Variants in ANG observed in about 807,000 individuals in gnomAD.
ANG encodes the protein Homo sapiens epididymis luminal protein 168.
For missense variants in ANG, 178 were observed against 187.4 expected (o/e 0.95, Z 0.29); for synonymous variants, 74 against 73.8 (o/e 1.00, Z -0.02).
chr14:20,690,011 C>G (rs1488021973), intron 1 of ANG, among the ~76,000 whole-genome samples: 1 of 146,472 alleles, frequency 6.8e-6, no homozygotes, highest in East Asian at 2.0e-4. Flanking sequence ...GTCAGGAGAT[C>G]GAGACCATCC....
intron 1 of ANG, among the ~76,000 whole-genome samples, chr14:20,691,597 C>T (rs1594206994): frequency 1.3e-5 from 2 of 152,336 alleles, no homozygotes; most frequent in East Asian, 3.9e-4. Context: ...CCCAAGAACA[C>T]ACTTTCAGCA....
intron 1 of ANG, among the ~76,000 whole-genome samples, chr14:20,692,928 A>G (rs775834313): frequency 3.3e-5 from 5 of 152,040 alleles, no homozygotes; most frequent in African/African-American, 1.2e-4. Context: ...GCTCACTGCA[A>G]GCTCCGCCTC....
At chr14:20,686,238 G>A (rs1186962397), upstream of ANG, among the ~76,000 whole-genome samples, 2 of 152,158 alleles carry the variant, frequency 1.3e-5, no homozygotes, top group East Asian at 3.8e-4. Context: ...TTAGTAACAG[G>A]ACATGAGGCA....
chr14:20,686,376 G>A (rs993559870), upstream of ANG, among the ~76,000 whole-genome samples: 1 of 152,232 alleles, frequency 6.6e-6, no homozygotes, highest in Admixed American at 6.5e-5. Flanking sequence ...AGAGTAAGAG[G>A]TTTGTCAAGT....
At chr14:20,691,447 G>A (rs11156631) in intron 1 of ANG, among the ~76,000 whole-genome samples, 4,264 of 152,312 alleles carry the variant, frequency 0.028, 200 homozygotes, top group African/African-American at 0.098. Context: ...TGAAAAGCAT[G>A]ATGTAAATGT....
intron 1 of ANG, among the ~76,000 whole-genome samples, chr14:20,691,185 T>A (rs923432760): frequency 6.6e-6 from 1 of 152,182 alleles, no homozygotes; most frequent in Non-Finnish European, 1.5e-5. Context: ...AGAGAAGACA[T>A]TAGTAACATT....
rs1220977971 is a variant in ANG, at chr14:20,693,855, GTCT to G, written c.296_298del (p.Ser99del). 6.2e-6 allele frequency: 10 copies of G among 1,614,220 alleles called. No homozygotes were observed. Among genetic ancestry groups the G allele is most frequent in the Non-Finnish European group, 7.6e-6 (9 of 1,180,036 alleles). ...ACAGAGAAAACCTAAGAATAAGCAA[GTCT>G]TCTTTCCAGGTCACCACTTGCAAGC... is the stretch of plus-strand genomic sequence containing the variant. On this transcript the variant is annotated inframe_deletion, in exon 2 of 2. Coordinates refer to ENST00000397990, the MANE Select transcript of ANG (RefSeq NM_001097577.3).
upstream of ANG, chr14:20,688,715 T>A: frequency 1.0e-6 from 1 of 985,242 alleles, no homozygotes; most frequent in Non-Finnish European, 1.2e-6. Flanking sequence ...TTCATGTCCC[T>A]GCCAGGACTG....
At chr14:20,688,604 C>G, upstream of ANG, 2 of 823,542 alleles carry the variant, frequency 2.4e-6, no homozygotes, top group African/African-American at 3.7e-5. Flanking sequence ...TCTTCCAGAA[C>G]AAATCTCTAA....
At chr14:20,690,411 C>T (rs1045340445) in intron 1 of ANG, among the ~76,000 whole-genome samples, 5 of 152,140 alleles carry the variant, frequency 3.3e-5, no homozygotes, top group East Asian at 1.9e-4. Context: ...ACTTTTACAC[C>T]ACAAACGATC....
chr14:20,688,932 G>A, intron 1 of ANG, 58 bp downstream of exon 1: 1 of 919,778 alleles, frequency 1.1e-6, no homozygotes, highest in African/African-American at 1.8e-5. Flanking sequence ...CCATTTTAAT[G>A]AAACCATTTT....
upstream of ANG, chr14:20,688,677 C>A: frequency 1.0e-6 from 1 of 984,980 alleles, no homozygotes; most frequent in Non-Finnish European, 1.2e-6. Flanking sequence ...TGACCCTCCT[C>A]GTTTGTTCAA....
chr14:20,694,079 T>A lies in ANG; in HGVS notation c.*71T>A, dbSNP rs1886980220. Reference sequence around the variant, plus strand: ...CATTTCCCCTCTGCACCCAGAACAGTGGTGGCAACATTCATTGCCAAGGGC... The same window carrying A: ...CATTTCCCCTCTGCACCCAGAACAGAGGTGGCAACATTCATTGCCAAGGGC... On this transcript the variant is annotated 3_prime_UTR_variant, in exon 2 of 2. Coordinates refer to ENST00000397990, the MANE Select transcript of ANG (RefSeq NM_001097577.3). 2 of 1,564,912 alleles carry A rather than the reference T, an allele frequency of 1.3e-6. No homozygotes were observed. The highest frequency in any genetic ancestry group is 1.8e-6 in the Non-Finnish European group (2 of 1,135,716).
In ANG at chr14:20,693,788, G is replaced by C. The variant is rs146485834; in HGVS notation, c.224G>C (p.Arg75Pro). Reference sequence around the variant, plus strand: ...AACACATTTATTCATGGCAACAAGCGCAGCATCAAGGCCATCTGTGAAAAC... The same window carrying C: ...AACACATTTATTCATGGCAACAAGCCCAGCATCAAGGCCATCTGTGAAAAC... ...DINTFIHGNK[R>P]SIKAICENKN... Residue 75 changes from arginine (R) to proline (P), a missense_variant, in exon 2 of 2, where the codon CGC (arginine) becomes CCC (proline). Arg to Pro is a moderately radical substitution (Grantham distance 103). Transcript: ENST00000397990. 3.1e-6 allele frequency: 5 copies of C among 1,614,158 alleles called. No homozygotes were observed. The African/African-American group carries it at 5.3e-5, about 17-fold the overall frequency.
upstream of ANG, among the ~76,000 whole-genome samples, chr14:20,687,023 A>C (rs982091159): frequency 5.9e-5 from 9 of 152,226 alleles, no homozygotes; most frequent in African/African-American, 2.2e-4. Flanking sequence ...GGAAAGGGGA[A>C]TGACTTTCAA....
chr14:20,688,643 A>C (rs1886539919), upstream of ANG: 5 of 974,002 alleles, frequency 5.1e-6, no homozygotes, highest in Non-Finnish European at 6.1e-6. Flanking sequence ...TATCTAACCC[A>C]ATCATGCCCA....
chr14:20,694,005 G>A lies in ANG; in HGVS notation c.441G>A (p.Pro147=), dbSNP rs759928848. The change falls in exon 2 of 2, where the codon CCG becomes CCA. Residue 147 remains proline (P), a synonymous_variant. Transcript: ENST00000397990. The part of the protein sequence containing the change: ...VHLDQSIFRR[P] ...TGGATCAGTCAATTTTCCGTCGTCC[G>A]TAACCAGCGGGCCCCTGGTCAAGTG... The A allele has an allele frequency of 2.3e-5, 37 of 1,613,930 alleles. No individual in the cohort carries two copies. Among genetic ancestry groups the A allele is most frequent in the South Asian group, 1.5e-4 (14 of 91,076 alleles).
rs1286189138 is a variant in ANG, at chr14:20,690,968, G to A, written c.-19+2094G>A. ...CTGACAACAGGTCGGTCTTTATTTT[G>A]TGATATCCTTATGGGTAGATTCTGA... is the stretch of plus-strand genomic sequence containing the variant. On this transcript the variant is annotated intron_variant, in intron 1 of 1. Coordinates refer to ENST00000397990, the MANE Select transcript of ANG (RefSeq NM_001097577.3). Among the ~76,000 whole-genome samples the A allele has an allele frequency of 2.6e-5, 4 of 152,188 alleles. No homozygotes were observed. The East Asian group carries it at 7.7e-4, about 29-fold the overall frequency.
At chr14:20,688,318 T>G (rs1369275785), upstream of ANG, among the ~76,000 whole-genome samples, 1 of 152,182 alleles carries the variant, frequency 6.6e-6, no homozygotes, top group Admixed American at 6.5e-5. Context: ...CATCCGTTCA[T>G]GAAACCAAAT....
Sources: allele counts gnomAD v4.1 joint callset (sites outside exome capture counted in the v4.1 genomes callset), GRCh38; gene constraint gnomAD v4.1.1; transcripts MANE v1.5; gene names NCBI Gene and HGNC (gene_info 2026-07-23, HGNC 2026-07-21).